The following INPP5A variants were observed in gnomAD, a reference collection of about 807,000 sequenced individuals.
INPP5A encodes the protein 43 kDa inositol polyphosphate 5-phophatase.
A neutral mutation model predicts 65.2 loss-of-function variants in INPP5A; 14 were observed. That is an observed-to-expected ratio of 0.21 (90% CI 0.14 to 0.34). The LOEUF (loss-of-function observed/expected upper bound fraction) is 0.34. Among genes scored for constraint, INPP5A ranks in the 10% least tolerant of loss-of-function variants. The pLI, the probability that INPP5A is intolerant of heterozygous loss-of-function variation, is 1.00. For missense variants in INPP5A, 431 were observed against 545.6 expected, an observed-to-expected ratio of 0.79 and a Z score of 2.09; for synonymous variants, 207 against 208.3, an observed-to-expected ratio of 0.99 and a Z score of 0.05.
At chr10:132,686,240 G>A (rs944143102) in intron 4 of INPP5A, among the ~76,000 whole-genome samples, 1 of 152,252 alleles carries the variant, frequency 6.6e-6, no homozygotes, top group Non-Finnish European at 1.5e-5. Context: ...CGGCTGTGCC[G>A]TGGCCTCCGG....
chr10:132,610,360 G>T (rs1027073816), intron 2 of INPP5A, among the ~76,000 whole-genome samples: 1 of 152,166 alleles, frequency 6.6e-6, no homozygotes, highest in Non-Finnish European at 1.5e-5. Context: ...CCAGTGATGG[G>T]GGTGGGGGGT....
At chr10:132,646,296 C>T (rs950257856) in intron 3 of INPP5A, among the ~76,000 whole-genome samples, 7 of 152,162 alleles carry the variant, frequency 4.6e-5, no homozygotes, top group African/African-American at 7.2e-5. Context: ...CTGTGGTGGC[C>T]GGGGTTCACA....
At chr10:132,771,352 C>A (rs1400443493) in intron 12 of INPP5A, among the ~76,000 whole-genome samples, 8 of 152,194 alleles carry the variant, frequency 5.3e-5, no homozygotes, top group Admixed American at 3.9e-4. Flanking sequence ...GAGGGATTGA[C>A]CCTGGGAGAG....
chr10:132,551,488 G>C lies in INPP5A; in HGVS notation c.75+13317G>C, dbSNP rs961257956. On this transcript the variant is annotated intron_variant, in intron 1 of 15. Coordinates refer to ENST00000368594, the MANE Select transcript of INPP5A (RefSeq NM_005539.5). This position sits in a 1 kb window ranked among gnomAD's most constrained non-coding sequence, Gnocchi z 5.3. ...GTGGACCAGCCACTGTGGGTCATGT[G>C]GGGGGATTTGGGTGGGACTCTCAGA... Among the ~76,000 whole-genome samples, 3 of 152,232 alleles carry C rather than the reference G, an allele frequency of 2.0e-5. No individual in the cohort carries two copies. Among genetic ancestry groups the C allele is most frequent in the Non-Finnish European group, 2.9e-5 (2 of 68,048 alleles).
chr10:132,597,177 G>A (rs369136118), intron 1 of INPP5A, among the ~76,000 whole-genome samples: 14 of 152,380 alleles, frequency 9.2e-5, no homozygotes, highest in Middle Eastern at 3.4e-3. Context: ...GCATGTGTGC[G>A]TATGCACATG....
At chr10:132,738,256 G>A (rs1478749916) in intron 9 of INPP5A, among the ~76,000 whole-genome samples, 1 of 152,224 alleles carries the variant, frequency 6.6e-6, no homozygotes, top group Non-Finnish European at 1.5e-5. Flanking sequence ...CAAGGCAGGG[G>A]GTTGCTGGAG....
In INPP5A at chr10:132,782,063, A is replaced by G; in HGVS notation, c.*34A>G. On this transcript the variant is annotated 3_prime_UTR_variant, in exon 16 of 16. Coordinates refer to ENST00000368594, the MANE Select transcript of INPP5A (RefSeq NM_005539.5). The surrounding 1 kb of genome is among the most constrained non-coding windows in gnomAD (Gnocchi z 4.4). ...GAAGAGATGCCAGCGCCACGAGAGGACACTTCGTGAGCCTCCCTGTAGCCG... is the reference window on the plus strand; with the variant it reads ...GAAGAGATGCCAGCGCCACGAGAGGGCACTTCGTGAGCCTCCCTGTAGCCG... The G allele has an allele frequency of 1.3e-6, 2 of 1,559,758 alleles. No individual in the cohort carries two copies. The highest frequency in any genetic ancestry group is 1.7e-6 in the Non-Finnish European group (2 of 1,149,182).
In INPP5A at chr10:132,628,468, G is replaced by C. The variant is rs950977753; in HGVS notation, c.118-17400G>C. Reference sequence around the variant, plus strand: ...CTCCAGATGTGCTCTGGTGGCGGGGGGGGGGGGGGGCGTGGCGTGGGGGAC... The same window carrying C: ...CTCCAGATGTGCTCTGGTGGCGGGGCGGGGGGGGGGCGTGGCGTGGGGGAC... On this transcript the variant is annotated intron_variant, in intron 2 of 15. Transcript: ENST00000368594. Among the ~76,000 whole-genome samples, 404 of 149,064 alleles carry C rather than the reference G, an allele frequency of 2.7e-3. 18 individuals carry two copies. Among genetic ancestry groups the C allele is most frequent in the African/African-American group, 9.9e-3 (391 of 39,546 alleles).
intron 11 of INPP5A, among the ~76,000 whole-genome samples, chr10:132,752,030 A>G (rs1430856742): frequency 2.0e-5 from 3 of 147,576 alleles, no homozygotes; most frequent in South Asian, 4.4e-4. Context: ...GCAGGTGCCC[A>G]GGAAGCGTCT....
At chr10:132,591,471 C>A (rs570446453) in intron 1 of INPP5A, among the ~76,000 whole-genome samples, 4 of 152,334 alleles carry the variant, frequency 2.6e-5, no homozygotes, top group South Asian at 2.1e-4. Flanking sequence ...CAAGAGAGGT[C>A]TTTTCATGGA....
At chr10:132,632,182 C>T (rs2072284483) in intron 2 of INPP5A, among the ~76,000 whole-genome samples, 2 of 152,250 alleles carry the variant, frequency 1.3e-5, no homozygotes, top group Non-Finnish European at 2.9e-5. Flanking sequence ...CCTGTCCATC[C>T]TCTGCGGTCC....
At chr10:132,639,008 A>G (rs776530213) in intron 2 of INPP5A, among the ~76,000 whole-genome samples, 106 of 152,304 alleles carry the variant, frequency 7.0e-4, no homozygotes, top group Admixed American at 4.2e-3. Context: ...ATTGGGGAGC[A>G]AATTTTTGGG....
intron 8 of INPP5A, among the ~76,000 whole-genome samples, chr10:132,712,183 T>C (rs943647849): frequency 5.9e-5 from 9 of 152,228 alleles, no homozygotes; most frequent in Non-Finnish European, 1.3e-4. Context: ...GTAAGGATAG[T>C]GTTCAGTGTG....
At chr10:132,591,638 G>C (rs1276310412) in intron 1 of INPP5A, among the ~76,000 whole-genome samples, 1 of 152,204 alleles carries the variant, frequency 6.6e-6, no homozygotes, top group Non-Finnish European at 1.5e-5. Flanking sequence ...GTTGTTGTTG[G>C]TGTCTGTGAT....
rs111888542 is a variant in INPP5A, at chr10:132,762,413, C to T, written c.904-3360C>T. ...AGTGGCGGCGGGTTTCCAGAACAACCACAAAAATACACACCAGGAGAAGTG... is the reference window on the plus strand; with the variant it reads ...AGTGGCGGCGGGTTTCCAGAACAACTACAAAAATACACACCAGGAGAAGTG... On this transcript the variant is annotated intron_variant, in intron 11 of 15. Transcript: ENST00000368594. The surrounding 1 kb of genome is among the most constrained non-coding windows in gnomAD (Gnocchi z 4.6). Among the ~76,000 whole-genome samples, 1 of 152,074 alleles carries T rather than the reference C, an allele frequency of 6.6e-6. No individual in the cohort carries two copies. The highest frequency in any genetic ancestry group is 1.5e-5 in the Non-Finnish European group (1 of 68,002).
At chr10:132,606,036 T>C (rs992155960) in intron 1 of INPP5A, among the ~76,000 whole-genome samples, 3 of 152,096 alleles carry the variant, frequency 2.0e-5, no homozygotes, top group African/African-American at 7.2e-5. Flanking sequence ...GGAGCGCGTG[T>C]TACTGGGGCG....
chr10:132,763,599 C>T (rs1035027488), intron 11 of INPP5A, among the ~76,000 whole-genome samples: 1 of 151,230 alleles, frequency 6.6e-6, no homozygotes, highest in Non-Finnish European at 1.5e-5. Context: ...ATAAACATGC[C>T]TGCATGCAAA....
At chr10:132,561,725 C>CACACAG (rs2071208693) in intron 1 of INPP5A, among the ~76,000 whole-genome samples, 1 of 120,132 alleles carries the variant, frequency 8.3e-6, no homozygotes, top group Admixed American at 8.2e-5. Flanking sequence ...TCAATTTCCA[C>CACACAG]ACACACACAC....
At chr10:132,631,597 G>C (rs1449878059) in intron 2 of INPP5A, among the ~76,000 whole-genome samples, 1 of 152,238 alleles carries the variant, frequency 6.6e-6, no homozygotes, top group Non-Finnish European at 1.5e-5. Flanking sequence ...GCCTGACAGG[G>C]CCTGGCTGTT....
Sources: allele counts gnomAD v4.1 joint callset (sites outside exome capture counted in the v4.1 genomes callset), GRCh38; gene constraint gnomAD v4.1.1; non-coding constraint Gnocchi (gnomAD v3.1); transcripts MANE v1.5; gene names NCBI Gene and HGNC (gene_info 2026-07-23, HGNC 2026-07-21).